Variants in SLC2A13 observed in about 807,000 individuals in gnomAD.
SLC2A13 encodes solute carrier family 2 member 13.
In SLC2A13, 32 loss-of-function variants were observed where a neutral mutation model predicts 64.4. The observed-to-expected ratio is 0.50, with a 90% CI of 0.37 to 0.67. SLC2A13 has a LOEUF of 0.67. SLC2A13 is among the 30% of genes least tolerant of loss of function. The pLI, the probability that SLC2A13 is intolerant of heterozygous loss-of-function variation, is 0.00. For synonymous variants in SLC2A13, 338 were observed against 327.1 expected, an observed-to-expected ratio of 1.03 and a Z score of -0.36; for missense variants, 743 against 829.2, an observed-to-expected ratio of 0.90 and a Z score of 1.28.
At chr12:39,991,915 G>T (rs541415521) in intron 3 of SLC2A13, among the ~76,000 whole-genome samples, 1 of 152,168 alleles carries the variant, frequency 6.6e-6, no homozygotes, top group South Asian at 2.1e-4. Flanking sequence ...ATCCTGATTT[G>T]GTGAGCCTGA....
intron 4 of SLC2A13, among the ~76,000 whole-genome samples, chr12:39,909,235 AT>A (rs1238513264): frequency 6.6e-6 from 1 of 152,068 alleles, no homozygotes; most frequent in Non-Finnish European, 1.5e-5. Context: ...ATACTTCCTA[AT>A]CATATAATTC....
intron 2 of SLC2A13, among the ~76,000 whole-genome samples, chr12:40,046,379 CT>C (rs1249965286): frequency 6.6e-6 from 1 of 152,152 alleles, no homozygotes; most frequent in East Asian, 1.9e-4. Context: ...CTAACCAGGA[CT>C]GAGAAAAGAT....
chr12:39,998,114 C>A (rs890274773), intron 3 of SLC2A13, among the ~76,000 whole-genome samples: 18 of 152,222 alleles, frequency 1.2e-4, no homozygotes, highest in Admixed American at 1.1e-3. Flanking sequence ...AAATGTGGAA[C>A]CAACCCTAAC....
intron 6 of SLC2A13, among the ~76,000 whole-genome samples, chr12:39,834,049 G>A (rs1041143774): frequency 2.0e-5 from 3 of 151,896 alleles, no homozygotes; most frequent in East Asian, 3.9e-4. Context: ...CTATTAGATC[G>A]TACCCTTTTG....
At chr12:39,882,240 A>G (rs565244554) in intron 4 of SLC2A13, among the ~76,000 whole-genome samples, 1 of 152,226 alleles carries the variant, frequency 6.6e-6, no homozygotes, top group African/African-American at 2.4e-5. Flanking sequence ...TTGTTCAAAA[A>G]CACAAGACTA....
chr12:40,054,354 C>G (rs1367077760), intron 1 of SLC2A13, among the ~76,000 whole-genome samples: 2 of 151,880 alleles, frequency 1.3e-5, no homozygotes, highest in Non-Finnish European at 1.5e-5. Flanking sequence ...TAATCACTAA[C>G]CAAATAAAAT....
Position 39,759,923 on chromosome 12 carries a change from G to A in SLC2A13, c.*103C>T. 1 of 791,748 alleles carries A rather than the reference G, an allele frequency of 1.3e-6. No individual in the cohort carries two copies. Among genetic ancestry groups the A allele is most frequent in the South Asian group, 1.7e-5 (1 of 57,754 alleles). 49.0% of individuals were successfully genotyped at this position (791,748 alleles called of 1,614,324 possible). A position where few individuals can be genotyped will look rare whatever the true frequency, so the allele number is the denominator to read the frequency against. ...TAGAATATGAAGTCAATCAAAACTAGGCTGTGGAAAGAACCAGATTAGAAG... is the reference window on the plus strand; with the variant it reads ...TAGAATATGAAGTCAATCAAAACTAAGCTGTGGAAAGAACCAGATTAGAAG... On this transcript the variant is annotated 3_prime_UTR_variant, in exon 10 of 10. Transcript: ENST00000280871.
In SLC2A13 at chr12:40,076,491, AT is replaced by A. The variant is rs1267523010; in HGVS notation, c.557-28282del. On this transcript the variant is annotated intron_variant, in intron 1 of 9. Transcript: ENST00000280871. ...ATGTTGCTGGAAAGGACATGATCTG[AT>A]TTTTTTTATAGTGTGTAGTATTCCA... 4.0e-5 allele frequency among the ~76,000 whole-genome samples: 6 copies of A among 151,880 alleles called. No homozygotes were observed. In the East Asian group the frequency reaches 1.2e-3, roughly 29 times the overall value.
chr12:39,808,721 T>C (rs1361672244), intron 7 of SLC2A13, among the ~76,000 whole-genome samples: 1 of 152,184 alleles, frequency 6.6e-6, no homozygotes, highest in Admixed American at 6.5e-5. Context: ...GCCATCTTTT[T>C]ATAGTCTTTT....
intron 3 of SLC2A13, among the ~76,000 whole-genome samples, chr12:39,999,195 CAT>C (rs1423902684): frequency 2.0e-5 from 3 of 152,192 alleles, no homozygotes; most frequent in East Asian, 1.9e-4. Context: ...GATTGTAAAA[CAT>C]GTGTGTTTGA....
In SLC2A13 at chr12:39,925,030, A is replaced by ATTTTT. The variant is rs58902176; in HGVS notation, c.1034+26222_1034+26226dup. On this transcript the variant is annotated intron_variant, in intron 4 of 9. Coordinates refer to ENST00000280871, the MANE Select transcript of SLC2A13 (RefSeq NM_052885.4). ...GTTAAGTGTCCTATACATACAGATAATTTTTTTTTTTTTTTTTTTTTTTGA... is the reference window on the plus strand; with the variant it reads ...GTTAAGTGTCCTATACATACAGATAATTTTTTTTTTTTTTTTTTTTTTTTTTTTGA... Among the ~76,000 whole-genome samples, 48 of 119,096 alleles carry ATTTTT rather than the reference A, an allele frequency of 4.0e-4. 1 individual carries two copies. The highest frequency in any genetic ancestry group is 5.4e-4 in the Non-Finnish European group (32 of 59,110). The allele number at this position is 119,096 out of a possible 152,430, so 78.1% of individuals were successfully genotyped here.
chr12:39,824,911 G>A (rs1216287798), intron 7 of SLC2A13, among the ~76,000 whole-genome samples: 4 of 152,158 alleles, frequency 2.6e-5, no homozygotes, highest in Non-Finnish European at 2.9e-5. Flanking sequence ...GGCACAGTGT[G>A]AGAAAAGACA....
chr12:39,917,554 G>A (rs1199274051), intron 4 of SLC2A13, among the ~76,000 whole-genome samples: 6 of 152,056 alleles, frequency 3.9e-5, no homozygotes, highest in African/African-American at 9.7e-5. Context: ...AATACACTGA[G>A]GGCCTTAACA....
At chr12:39,810,057 T>C (rs1213863401) in intron 7 of SLC2A13, among the ~76,000 whole-genome samples, 4 of 152,194 alleles carry the variant, frequency 2.6e-5, no homozygotes, top group African/African-American at 4.8e-5. Context: ...GTATTTCTAG[T>C]TCTAGATCCC....
In SLC2A13 at chr12:39,757,145, C is replaced by T. The variant is rs1279765899; in HGVS notation, c.*2881G>A. ...ATATGCAGATGAAATGATATATCCT[C>T]TTAAGTCTAGTGCAGATCAGACATC... On this transcript the variant is annotated 3_prime_UTR_variant, in exon 10 of 10. Transcript: ENST00000280871. 6.6e-6 allele frequency: 1 copy of T among 151,744 alleles called. No individual in the cohort carries two copies. Among genetic ancestry groups the T allele is most frequent in the African/African-American group, 2.4e-5 (1 of 41,374 alleles). The allele number at this position is 151,744 out of a possible 1,614,324, so 9.4% of individuals were successfully genotyped here. A position where few individuals can be genotyped will look rare whatever the true frequency, so the allele number is the denominator to read the frequency against.
At chr12:39,841,559 TATAC>T (rs1390430869) in intron 6 of SLC2A13, among the ~76,000 whole-genome samples, 1 of 152,102 alleles carries the variant, frequency 6.6e-6, no homozygotes, top group Non-Finnish European at 1.5e-5. Context: ...TGTATATCTA[TATAC>T]ATATACATAT....
At chr12:40,086,478 C>A (rs1938591300) in intron 1 of SLC2A13, among the ~76,000 whole-genome samples, 1 of 152,068 alleles carries the variant, frequency 6.6e-6, no homozygotes, top group Admixed American at 6.6e-5. Context: ...ATGACATGGG[C>A]CATCAAACAA....
intron 3 of SLC2A13, among the ~76,000 whole-genome samples, chr12:40,019,452 G>C (rs1947678024): frequency 6.6e-6 from 1 of 152,216 alleles, no homozygotes; most frequent in Non-Finnish European, 1.5e-5. Context: ...AGAAGCTGGA[G>C]TGGTAGCAGC....
chr12:39,936,837 G>C (rs1021080760), intron 4 of SLC2A13, among the ~76,000 whole-genome samples: 1 of 152,168 alleles, frequency 6.6e-6, no homozygotes, highest in Non-Finnish European at 1.5e-5. Flanking sequence ...AGACTGGTGA[G>C]AGTGGAATAT....
Sources: gnomAD v4.1 joint callset for allele counts (sites outside exome capture counted in the v4.1 genomes callset) on GRCh38, gnomAD v4.1.1 for gene constraint, MANE v1.5 for transcripts, NCBI Gene and HGNC (gene_info 2026-07-23, HGNC 2026-07-21) for gene names.